Variants in GABBR2 observed in about 807,000 individuals in gnomAD.
GABBR2 encodes G-protein coupled receptor 51.
Under a neutral mutation model 105.6 loss-of-function variants are expected in GABBR2, and 23 were observed. The observed-to-expected ratio is 0.22, with a 90% CI of 0.16 to 0.31. The LOEUF (loss-of-function observed/expected upper bound fraction) is 0.31, where lower values mean the gene tolerates loss of function less well. GABBR2 is among the 10% of genes least tolerant of loss of function. The pLI is 1.00. For synonymous variants in GABBR2, 478 were observed against 499.7 expected (o/e 0.96, Z 0.58); for missense variants, 734 against 1,245.5 (o/e 0.59, Z 6.18).
intron 7 of GABBR2, among the ~76,000 whole-genome samples, chr9:98,410,996 G>A (rs1032054598): frequency 1.3e-5 from 2 of 152,092 alleles, no homozygotes; most frequent in Admixed American, 6.5e-5. Flanking sequence ...ATCTCCCTCT[G>A]AAATGACTGA....
chr9:98,481,132 G>C (rs771693210), intron 4 of GABBR2, 135 bp from the exon 5 acceptor site: 1 of 683,456 alleles, frequency 1.5e-6, no homozygotes, highest in Non-Finnish European at 2.7e-6. Context: ...GGGCAGGGCA[G>C]AACCTCACCC....
At chr9:98,358,712 A>G (rs998966703) in intron 13 of GABBR2, among the ~76,000 whole-genome samples, 2 of 152,218 alleles carry the variant, frequency 1.3e-5, no homozygotes, top group Non-Finnish European at 2.9e-5. Context: ...GTGCTGAGCC[A>G]TAGCTGGAGG....
intron 1 of GABBR2, among the ~76,000 whole-genome samples, chr9:98,580,774 C>T (rs1255024780): frequency 1.3e-5 from 2 of 152,304 alleles, no homozygotes; most frequent in South Asian, 4.1e-4. Context: ...CAGAGCAAGG[C>T]TCCATCTCAA....
At chr9:98,594,379 C>T (rs953642796) in intron 1 of GABBR2, among the ~76,000 whole-genome samples, 4 of 152,176 alleles carry the variant, frequency 2.6e-5, no homozygotes, top group African/African-American at 4.8e-5. Context: ...CCTGGATTCA[C>T]GGAAGAATGT....
intron 11 of GABBR2, among the ~76,000 whole-genome samples, chr9:98,377,160 G>T (rs551422200): frequency 6.6e-6 from 1 of 152,072 alleles, no homozygotes; most frequent in African/African-American, 2.4e-5. Context: ...AACCCCAGAA[G>T]GTGCCTCAGG....
At chr9:98,472,051 T>C (rs1226329820) in intron 6 of GABBR2, among the ~76,000 whole-genome samples, 3 of 152,308 alleles carry the variant, frequency 2.0e-5, no homozygotes, top group East Asian at 1.9e-4. Flanking sequence ...TGGTTCCAAT[T>C]GAGATTAAAT....
chr9:98,423,145 T>C (rs997309110), intron 7 of GABBR2, among the ~76,000 whole-genome samples: 2 of 152,176 alleles, frequency 1.3e-5, no homozygotes, highest in Non-Finnish European at 2.9e-5. Flanking sequence ...GATGGCTGGG[T>C]CAAATGGTAT....
At chr9:98,539,024 C>T (rs189980271) in intron 3 of GABBR2, among the ~76,000 whole-genome samples, 18 of 152,300 alleles carry the variant, frequency 1.2e-4, no homozygotes, top group Middle Eastern at 3.4e-3. Context: ...CTGAGGGCCC[C>T]GACACGGCTG....
intron 1 of GABBR2, among the ~76,000 whole-genome samples, chr9:98,647,145 T>C (rs1160927167): frequency 2.6e-5 from 4 of 152,228 alleles, no homozygotes; most frequent in Non-Finnish European, 5.9e-5. Context: ...CTTCTGGAGA[T>C]GCTAGAGGAC....
intron 18 of GABBR2, among the ~76,000 whole-genome samples, chr9:98,293,169 A>C (rs1830328244): frequency 1.3e-5 from 2 of 152,160 alleles, no homozygotes; most frequent in Non-Finnish European, 2.9e-5. Flanking sequence ...GAAGGCCTAA[A>C]ATTGCCTGTG....
At chr9:98,488,282 C>T (rs867581363) in intron 4 of GABBR2, among the ~76,000 whole-genome samples, 1 of 152,166 alleles carries the variant, frequency 6.6e-6, no homozygotes, top group Admixed American at 6.5e-5. Flanking sequence ...AAGGCCTTAC[C>T]TTGGGCTTAT....
intron 1 of GABBR2, chr9:98,607,091 A>G: frequency 6.3e-7 from 1 of 1,582,518 alleles, no homozygotes; most frequent in African/African-American, 1.3e-5. Context: ...GTTTTGATTC[A>G]CGCTATGGTA....
chr9:98,471,686 C>T (rs1245441313), intron 6 of GABBR2, among the ~76,000 whole-genome samples: 1 of 152,188 alleles, frequency 6.6e-6, no homozygotes, highest in Non-Finnish European at 1.5e-5. Flanking sequence ...CCTGAAGCCT[C>T]TCCATTTAGT....
chr9:98,444,528 T>A (rs1446064464), intron 7 of GABBR2, among the ~76,000 whole-genome samples: 1 of 152,204 alleles, frequency 6.6e-6, no homozygotes. Flanking sequence ...AATTGATAAC[T>A]ATTATTAGCA....
rs1348520843 is a variant in GABBR2, at chr9:98,496,524, A to G, written c.631-10T>C. ...TCAGGTCATTCCGCACCTGTCAGCAAAGAGAAAGCAGAGGGTGGGTGTGCT... is the reference window on the plus strand; with the variant it reads ...TCAGGTCATTCCGCACCTGTCAGCAGAGAGAAAGCAGAGGGTGGGTGTGCT... On this transcript the variant is annotated splice_polypyrimidine_tract_variant and intron_variant, in intron 3 of 18. Coordinates refer to ENST00000259455, the MANE Select transcript of GABBR2 (RefSeq NM_005458.8). 3 of 1,590,090 alleles carry G rather than the reference A, an allele frequency of 1.9e-6. No individual in the cohort carries two copies. The highest frequency in any genetic ancestry group is 2.7e-5 in the African/African-American group (2 of 74,506).
chr9:98,618,761 TC>T (rs1398205195), intron 1 of GABBR2, among the ~76,000 whole-genome samples: 1 of 152,138 alleles, frequency 6.6e-6, no homozygotes, highest in Non-Finnish European at 1.5e-5. Context: ...TGCTAAGTGC[TC>T]CTCACTCCCT....
chr9:98,474,803 T>C (rs1297317854), intron 5 of GABBR2, among the ~76,000 whole-genome samples: 1 of 151,956 alleles, frequency 6.6e-6, no homozygotes, highest in Non-Finnish European at 1.5e-5. Context: ...TCCCAACAAC[T>C]CCTATATGTT....
chr9:98,473,471 G>C, intron 5 of GABBR2, 125 bp from the exon 6 acceptor site: 1 of 633,944 alleles, frequency 1.6e-6, no homozygotes, highest in Non-Finnish European at 2.8e-6. Flanking sequence ...TTAATTACTT[G>C]TTTGGTTTCT....
At chr9:98,545,553 C>T (rs1213955136) in intron 2 of GABBR2, among the ~76,000 whole-genome samples, 3 of 152,138 alleles carry the variant, frequency 2.0e-5, no homozygotes, top group African/African-American at 7.2e-5. Flanking sequence ...GACTTGGTCC[C>T]ACTCCAAACG....
Sources: allele counts gnomAD v4.1 joint callset (sites outside exome capture counted in the v4.1 genomes callset), GRCh38; gene constraint gnomAD v4.1.1; transcripts MANE v1.5; gene names NCBI Gene and HGNC (gene_info 2026-07-23, HGNC 2026-07-21).